Variants in RHBDD1 observed in about 807,000 individuals in gnomAD.
RHBDD1 encodes the protein rhomboid domain containing 1.
In RHBDD1, 38 loss-of-function variants were observed where a neutral mutation model predicts 36.3. The ratio of observed to expected loss-of-function variants is 1.05; its 90% CI spans 0.81 to 1.37. The LOEUF (loss-of-function observed/expected upper bound fraction) is 1.37, where lower values mean the gene tolerates loss of function less well. RHBDD1 is among the 40% of genes most tolerant of loss of function. RHBDD1 has a pLI of 0.00. For synonymous variants in RHBDD1, 151 were observed against 136.5 expected (o/e 1.11, Z -0.74); for missense variants, 393 against 377.6 (o/e 1.04, Z -0.34).
At chr2:226,843,958 T>G (rs1165448340) in intron 3 of RHBDD1, among the ~76,000 whole-genome samples, 3 of 152,158 alleles carry the variant, frequency 2.0e-5, no homozygotes, top group Non-Finnish European at 4.4e-5. Context: ...CAGAACTCAT[T>G]TATTAGTCTA....
chr2:226,890,078 G>T (rs1050668493), intron 5 of RHBDD1, among the ~76,000 whole-genome samples: 9 of 152,170 alleles, frequency 5.9e-5, no homozygotes, highest in African/African-American at 2.2e-4. Context: ...GGTGAGGGTT[G>T]CTAAAGCTCA....
chr2:226,920,088 A>G (rs976297537), intron 8 of RHBDD1, among the ~76,000 whole-genome samples: 1 of 151,796 alleles, frequency 6.6e-6, no homozygotes, highest in Non-Finnish European at 1.5e-5. Context: ...TAGCTATTTT[A>G]AATATTTGTA....
At chr2:226,949,479 C>T (rs1951268520) in intron 8 of RHBDD1, among the ~76,000 whole-genome samples, 1 of 152,052 alleles carries the variant, frequency 6.6e-6, no homozygotes, top group African/African-American at 2.4e-5. Context: ...TGACATAGGT[C>T]CCATAGCTAA....
chr2:226,890,221 G>C (rs575492917), intron 5 of RHBDD1, among the ~76,000 whole-genome samples: 79 of 152,270 alleles, frequency 5.2e-4, no homozygotes, highest in African/African-American at 1.8e-3. Context: ...TAATAAGTGA[G>C]TACTTAAAAA....
At chr2:226,952,130 G>A (rs1361503387) in intron 8 of RHBDD1, among the ~76,000 whole-genome samples, 1 of 152,062 alleles carries the variant, frequency 6.6e-6, no homozygotes, top group Non-Finnish European at 1.5e-5. Context: ...TGCTCTATAA[G>A]CTCCCCAGGT....
At position 226,961,910 on chromosome 2, in the gene RHBDD1, G is replaced by A. The variant is rs559811521; in HGVS notation, c.857-33521G>A. ...GGTGAGGAAATGAAGGTGCAGAGAC[G>A]CTAAGTAACTTGCCCACTTACTCAG... On this transcript the variant is annotated intron_variant, in intron 8 of 8. Transcript: ENST00000392062. Among the ~76,000 whole-genome samples the A allele has an allele frequency of 7.2e-5, 11 of 152,252 alleles. No homozygotes were observed. In the South Asian group the frequency reaches 1.0e-3, roughly 14 times the overall value.
intron 8 of RHBDD1, among the ~76,000 whole-genome samples, chr2:226,984,298 G>A (rs929962584): frequency 5.3e-5 from 8 of 152,202 alleles, no homozygotes; most frequent in South Asian, 2.1e-4. Flanking sequence ...TATTTCTCAC[G>A]GTTCTGGAGG....
At chr2:226,879,115 A>G (rs1233816645) in intron 5 of RHBDD1, among the ~76,000 whole-genome samples, 4 of 151,796 alleles carry the variant, frequency 2.6e-5, no homozygotes, top group Admixed American at 2.0e-4. Context: ...TTAGTGTTAC[A>G]TATAGAAAGG....
chr2:226,822,024 G>C, the RHBDD1 span, among the ~76,000 whole-genome samples: 1 of 152,148 alleles, frequency 6.6e-6, no homozygotes, highest in South Asian at 2.1e-4. Flanking sequence ...CACATAGCTA[G>C]TGGTAGAGCT....
chr2:226,972,929 C>CAAAAAAA (rs11320469), intron 8 of RHBDD1, among the ~76,000 whole-genome samples: 1 of 127,032 alleles, frequency 7.9e-6, no homozygotes, highest in Non-Finnish European at 1.7e-5. Context: ...AAGCCTGTAG[C>CAAAAAAA]AAAAAAAAAA....
chr2:226,948,118 T>G (rs1030909527), intron 8 of RHBDD1, among the ~76,000 whole-genome samples: 118 of 151,496 alleles, frequency 7.8e-4, no homozygotes, highest in African/African-American at 2.8e-3. Context: ...ACATGCACAC[T>G]TATGTTTATT....
the RHBDD1 span, among the ~76,000 whole-genome samples, chr2:226,826,767 G>T: frequency 6.6e-6 from 1 of 152,086 alleles, no homozygotes; most frequent in Non-Finnish European, 1.5e-5. Flanking sequence ...TGATCTGCCT[G>T]CCTCGGCCTC....
chr2:226,836,488 CTTTCAGTT>C (rs987518262), intron 1 of RHBDD1, among the ~76,000 whole-genome samples: 4 of 152,228 alleles, frequency 2.6e-5, no homozygotes, highest in Non-Finnish European at 5.9e-5. Context: ...CTCGGGACAG[CTTTCAGTT>C]TCTCAGAACA....
intron 3 of RHBDD1, among the ~76,000 whole-genome samples, chr2:226,854,840 A>G (rs554482094): frequency 1.3e-5 from 2 of 152,322 alleles, no homozygotes; most frequent in Non-Finnish European, 2.9e-5. Context: ...TGGGGGGCAC[A>G]ACATAGTGAA....
the RHBDD1 span, chr2:226,808,709 A>C: frequency 1.3e-5 from 2 of 152,306 alleles, 1 homozygote; most frequent in South Asian, 4.1e-4. Flanking sequence ...GAGGTGTTCC[A>C]AGAGAATCAG....
intron 8 of RHBDD1, among the ~76,000 whole-genome samples, chr2:226,960,432 G>A (rs1189171444): frequency 1.3e-5 from 2 of 152,126 alleles, no homozygotes; most frequent in Admixed American, 1.3e-4. Context: ...TGATTGCATT[G>A]GAATGCTGAC....
intron 8 of RHBDD1, among the ~76,000 whole-genome samples, chr2:226,949,399 A>G (rs1951259626): frequency 6.6e-6 from 1 of 152,174 alleles, no homozygotes; most frequent in Non-Finnish European, 1.5e-5. Context: ...GAGTCATAGC[A>G]TGTATACCAG....
chr2:226,939,633 A>G (rs763861679), intron 8 of RHBDD1, among the ~76,000 whole-genome samples: 6 of 152,230 alleles, frequency 3.9e-5, no homozygotes, highest in Non-Finnish European at 8.8e-5. Context: ...AACAAATGGA[A>G]AAGCATTCCA....
At chr2:226,974,012 G>A (rs1310926606) in intron 8 of RHBDD1, among the ~76,000 whole-genome samples, 1 of 152,120 alleles carries the variant, frequency 6.6e-6, no homozygotes, top group African/African-American at 2.4e-5. Context: ...GCCCCTCACC[G>A]CCTTTCCACA....
Sources: gnomAD v4.1 joint callset for allele counts (sites outside exome capture counted in the v4.1 genomes callset) on GRCh38, gnomAD v4.1.1 for gene constraint, MANE v1.5 for transcripts, NCBI Gene and HGNC (gene_info 2026-07-23, HGNC 2026-07-21) for gene names.